INTS11: variants seen among roughly 807,000 people sequenced by gnomAD.
INTS11 encodes CPSF3-like protein.
INTS11 carries 77 observed loss-of-function variants against 78.6 expected under a neutral mutation model. The ratio of observed to expected loss-of-function variants is 0.98; its 90% CI spans 0.81 to 1.18. The LOEUF (loss-of-function observed/expected upper bound fraction) is 1.18. Among genes scored for constraint, INTS11 ranks in the 50% most tolerant of loss-of-function variants. INTS11 has a pLI of 0.00. For synonymous variants in INTS11, 441 were observed against 326.9 expected (o/e 1.35, Z -3.77); for missense variants, 875 against 825.9 (o/e 1.06, Z -0.73).
At chr1:1,317,469 C>T in intron 4 of INTS11, 20 of 977,474 alleles carry the variant, frequency 2.0e-5, no homozygotes, top group Non-Finnish European at 2.4e-5. Context: ...GAAGAGAATC[C>T]ATGAACTGAA....
rs1643223397 is a variant in INTS11, at chr1:1,324,551, C to A, written c.28+30G>T. ...GCCCGGAGCCGCATACGGAGCCCAC[C>A]CCACAGCCCTCCCGGCGGCTCCCAC... On this transcript the variant is annotated intron_variant, in intron 1 of 16. Transcript: ENST00000435064. 3.1e-6 allele frequency: 5 copies of A among 1,588,598 alleles called. No homozygotes were observed. In the African/African-American group the frequency reaches 7.0e-5, roughly 22 times the overall value.
chr1:1,312,773 G>A lies in INTS11; in HGVS notation c.1294+14C>T, dbSNP rs757300260. On this transcript the variant is annotated intron_variant, in intron 12 of 16. Coordinates refer to ENST00000435064, the MANE Select transcript of INTS11 (RefSeq NM_017871.6). ...ACCCGAGGTGGGCCCCACGCCGCCC[G>A]CCCGGCTGCCTACGGAGCTCCTGCT... The A allele has an allele frequency of 8.2e-5, 131 of 1,601,994 alleles. No homozygotes were observed. Among genetic ancestry groups the A allele is most frequent in the Non-Finnish European group, 1.0e-4 (117 of 1,172,474 alleles).
At chr1:1,320,936 G>A in intron 2 of INTS11, 60 bp downstream of exon 2, 2 of 1,443,524 alleles carry the variant, frequency 1.4e-6, no homozygotes, top group South Asian at 1.1e-5. Flanking sequence ...CTGAGGCCCA[G>A]GGTCCAGCTG....
In INTS11 at chr1:1,314,769, G is replaced by A; in HGVS notation, c.702+55C>T. 6.4e-7 allele frequency: 1 copy of A among 1,570,024 alleles called. No individual in the cohort carries two copies. The highest frequency in any genetic ancestry group is 8.7e-7 in the Non-Finnish European group (1 of 1,151,292). On this transcript the variant is annotated intron_variant, in intron 7 of 16. Transcript: ENST00000435064. The surrounding 1 kb of genome is among the most constrained non-coding windows in gnomAD (Gnocchi z 4.2). ...ATGCCAAGGGCAGCCAAGCCTGCCA[G>A]AAAGACCAGCCCAGCATGGCCGAGG...
intron 6 of INTS11, 96 bp downstream of exon 6, chr1:1,315,308 C>G (rs1642511608): frequency 1.4e-6 from 2 of 1,455,874 alleles, no homozygotes. Flanking sequence ...GGAGACACTG[C>G]CAGGCTGGCC....
chr1:1,312,136 T>C lies in INTS11; in HGVS notation c.1619A>G (p.Asp540Gly). The change falls in exon 16 of 17, where the codon GAC becomes GGC. Residue 540 changes from aspartate to glycine, a missense_variant. Coordinates refer to ENST00000435064, the MANE Select transcript of INTS11 (RefSeq NM_017871.6). ...VYSHLKSVLK[D>G]HCVQHLPDGS... Reference sequence around the variant, plus strand: ...GTCTGGGAGGTGCTGCACACAGTGGTCCTTCAGGACGCTGTGGGGAGGCTC... The same window carrying C: ...GTCTGGGAGGTGCTGCACACAGTGGCCCTTCAGGACGCTGTGGGGAGGCTC... 1 of 1,532,252 alleles carries C rather than the reference T, an allele frequency of 6.5e-7. No homozygotes were observed. The highest frequency in any genetic ancestry group is 8.7e-7 in the Non-Finnish European group (1 of 1,145,500). 94.9% of individuals were successfully genotyped at this position (1,532,252 alleles called of 1,614,324 possible).
Position 1,312,575 on chromosome 1 carries a change from C to A in INTS11, c.1402+18G>T. The A allele has an allele frequency of 6.3e-7, 1 of 1,577,484 alleles. No individual in the cohort carries two copies. On this transcript the variant is annotated intron_variant, in intron 13 of 16. Transcript: ENST00000435064. ...GCCTGCCCCGAGCACCCTGCCCTGC[C>A]CTGCCCAGCCCGCATACCCTGCGCC... is the stretch of plus-strand genomic sequence containing the variant.
At chr1:1,322,996 G>A in intron 1 of INTS11, 1 of 1,387,228 alleles carries the variant, frequency 7.2e-7, no homozygotes. Context: ...GGCAGAACAG[G>A]CAGCCAAGAG....
rs143172922 is a variant in INTS11 at position 1,320,363 on chromosome 1, G to T, written c.200+93C>A. On this transcript the variant is annotated intron_variant, in intron 3 of 16. Transcript: ENST00000435064. ...CCCCCTGAGGATCAAGGATGGCACA[G>T]GCCCCTTGCCAAACGCTGCCGAGAC... 1.4e-4 allele frequency: 166 copies of T among 1,197,558 alleles called. 1 individual carries two copies. In the African/African-American group the frequency reaches 2.2e-3, roughly 16 times the overall value. 74.2% of individuals were successfully genotyped at this position (1,197,558 alleles called of 1,614,324 possible).
At chr1:1,322,642 G>A (rs1643017174) in intron 1 of INTS11, 1 of 126,026 alleles carries the variant, frequency 7.9e-6, no homozygotes, top group African/African-American at 3.1e-5. Flanking sequence ...AGGCAGCAGG[G>A]AGGGACAGGC....
chr1:1,315,102 G>C, intron 6 of INTS11, 140 bp from the exon 7 acceptor site: 1 of 1,055,302 alleles, frequency 9.5e-7, no homozygotes. Context: ...CTGGTAAAAT[G>C]CTGTGGGCAG....
chr1:1,312,693 G>T lies in INTS11; in HGVS notation c.1302C>A (p.Asn434Lys). 1.3e-6 allele frequency: 2 copies of T among 1,594,126 alleles called. No homozygotes were observed. Among genetic ancestry groups the T allele is most frequent in the Non-Finnish European group, 1.7e-6 (2 of 1,167,162 alleles). Reference sequence around the variant, plus strand: ...TCTCGCCATTGGCCGGCATGTAGCAGTTGACCCCTGGACCCCGGGGGAAGA... The same window carrying T: ...TCTCGCCATTGGCCGGCATGTAGCATTTGACCCCTGGACCCCGGGGGAAGA... ...KQKIEQELRV[N>K]CYMPANGETV... The change falls in exon 13 of 17, where the codon AAC (asparagine) becomes AAA (lysine). Residue 434 changes from asparagine (N) to lysine (K), a missense_variant. By Grantham distance (94) the Asn-to-Lys change is moderately conservative. Coordinates refer to ENST00000435064, the MANE Select transcript of INTS11 (RefSeq NM_017871.6).
chr1:1,312,178 G>C (rs1218903609), intron 15 of INTS11, 31 bp from the exon 16 acceptor site: 2 of 1,446,046 alleles, frequency 1.4e-6, no homozygotes, highest in Admixed American at 2.2e-5. Context: ...ACCCTGCCTG[G>C]CCTCCAGGGC....
intron 1 of INTS11, chr1:1,323,267 A>G (rs1222810193): frequency 6.5e-7 from 1 of 1,550,352 alleles, no homozygotes; most frequent in Non-Finnish European, 8.7e-7. Flanking sequence ...ACCAGGTTCC[A>G]GGACAGCACA....
Position 1,312,792 on chromosome 1 carries a change from T to C in INTS11, c.1289A>G (p.Glu430Gly). ...MEFLKQKIEQELRVNCYMPAN... is the reference protein window; with the variant it reads ...MEFLKQKIEQGLRVNCYMPAN... ...CCGCCCGCCCGGCTGCCTACGGAGCTCCTGCTCGATCTTCTGCTTCAGGAA... is the reference window on the plus strand; with the variant it reads ...CCGCCCGCCCGGCTGCCTACGGAGCCCCTGCTCGATCTTCTGCTTCAGGAA... Residue 430 changes from glutamate (E) to glycine (G), a missense_variant, in exon 12 of 17, where the codon GAG (glutamate) becomes GGG (glycine). Transcript: ENST00000435064. 1 of 1,607,770 alleles carries C rather than the reference T, an allele frequency of 6.2e-7. No homozygotes were observed. The highest frequency in any genetic ancestry group is 8.5e-7 in the Non-Finnish European group (1 of 1,176,810).
chr1:1,312,976 T>G, intron 11 of INTS11, 27 bp from the exon 12 acceptor site: 1 of 1,612,100 alleles, frequency 6.2e-7, no homozygotes, highest in Non-Finnish European at 8.5e-7. Context: ...GCGTGGACAG[T>G]GGTTACCACC....
At chr1:1,316,454 T>C (rs1338418541) in intron 4 of INTS11, 1 of 152,124 alleles carries the variant, frequency 6.6e-6, no homozygotes, top group Non-Finnish European at 1.5e-5. Context: ...CTGGGCATGG[T>C]GGTGGGTGCT....
rs146271507 is a variant in INTS11 at position 1,312,464 on chromosome 1, G to A, written c.1440C>T (p.His480=). 3.2e-5 allele frequency: 51 copies of A among 1,574,970 alleles called. No homozygotes were observed. Among genetic ancestry groups the A allele is most frequent in the Middle Eastern group, 1.7e-4 (1 of 5,840 alleles). The change falls in exon 14 of 17, where the codon CAC becomes CAT. Residue 480 remains histidine (H), a synonymous_variant. Coordinates refer to ENST00000435064, the MANE Select transcript of INTS11 (RefSeq NM_017871.6). ...CGCTGTCCTTCATGATCAGGGTGCC[G>A]TGCAGGAGCCGAGGCTTCTTGGCCT... ...LPEAKKPRLL[H]GTLIMKDSNF...
At chr1:1,319,168 G>C (rs763075752) in intron 4 of INTS11, 128 bp downstream of exon 4, 2 of 887,220 alleles carry the variant, frequency 2.3e-6, no homozygotes, top group South Asian at 1.3e-5. Flanking sequence ...GGTGCTGGAC[G>C]CAAGAGTGAG....
Sources: gnomAD v4.1 joint callset for allele counts on GRCh38, gnomAD v4.1.1 for gene constraint, Gnocchi (gnomAD v3.1) non-coding constraint, MANE v1.5 for transcripts, NCBI Gene and HGNC (gene_info 2026-07-23, HGNC 2026-07-21) for gene names.